Variants in ERBB4 observed in about 807,000 individuals in gnomAD.
The protein encoded by ERBB4 is receptor tyrosine-protein kinase erbB-4.
In ERBB4, 42 loss-of-function variants were observed where a neutral mutation model predicts 158.0. The ratio of observed to expected loss-of-function variants is 0.27; its 90% CI spans 0.21 to 0.34. The LOEUF (loss-of-function observed/expected upper bound fraction) is 0.34. Ranked by LOEUF, ERBB4 falls within the 10% of genes least tolerant of loss-of-function variation. ERBB4 has a pLI of 1.00. For synonymous variants in ERBB4, 583 were observed against 558.7 expected, an observed-to-expected ratio of 1.04 and a Z score of -0.61; for missense variants, 1,333 against 1,624.1, an observed-to-expected ratio of 0.82 and a Z score of 3.08.
At chr2:211,728,934 A>ATT (rs1280441001) in intron 5 of ERBB4, among the ~76,000 whole-genome samples, 3 of 151,834 alleles carry the variant, frequency 2.0e-5, no homozygotes, top group Admixed American at 6.6e-5. Context: ...GTAGTTTAAA[A>ATT]TTATGTATTA....
chr2:211,434,896 C>T (rs185703327), intron 20 of ERBB4, among the ~76,000 whole-genome samples: 154 of 152,268 alleles, frequency 1.0e-3, no homozygotes, highest in African/African-American at 3.5e-3. Context: ...TACAGATGCA[C>T]GCTTTCAAAT....
chr2:211,608,851 T>C (rs976218997), intron 19 of ERBB4, among the ~76,000 whole-genome samples: 2 of 152,192 alleles, frequency 1.3e-5, no homozygotes, highest in Non-Finnish European at 2.9e-5. Flanking sequence ...TTTACATTAA[T>C]ATATTCAGTT....
chr2:211,532,194 A>G (rs1414571967), intron 20 of ERBB4, among the ~76,000 whole-genome samples: 10 of 151,832 alleles, frequency 6.6e-5, no homozygotes, highest in Non-Finnish European at 1.2e-4. Context: ...AAAAAAATAG[A>G]TAGAATGAAT....
intron 3 of ERBB4, among the ~76,000 whole-genome samples, chr2:211,861,124 T>TTATATATAAATATATA (rs2078026465): frequency 4.9e-5 from 1 of 20,254 alleles, no homozygotes; most frequent in African/African-American, 2.3e-4. Context: ...TATATATATT[T>TTATATATAAATATATA]TATATATATA....
intron 20 of ERBB4, among the ~76,000 whole-genome samples, chr2:211,487,078 C>T (rs919574679): frequency 3.3e-5 from 5 of 151,322 alleles, no homozygotes; most frequent in Admixed American, 3.3e-4. Flanking sequence ...ACATGTGCCA[C>T]GTTGGTGTGC....
chr2:211,388,300 A>G (rs965018226), intron 25 of ERBB4, among the ~76,000 whole-genome samples: 14 of 152,204 alleles, frequency 9.2e-5, no homozygotes, highest in Non-Finnish European at 1.9e-4. Context: ...ACCCTAGAGG[A>G]AAGGAAAAGT....
At chr2:211,995,323 G>C (rs1357124) in intron 2 of ERBB4, among the ~76,000 whole-genome samples, 64,759 of 152,002 alleles carry the variant, frequency 0.43, 13,894 homozygotes, top group Admixed American at 0.49. Context: ...TTAGTTAGAG[G>C]AACTCTAATT....
intron 15 of ERBB4, among the ~76,000 whole-genome samples, chr2:211,663,994 A>G (rs1454601546): frequency 6.6e-6 from 1 of 152,036 alleles, no homozygotes; most frequent in Non-Finnish European, 1.5e-5. Flanking sequence ...TGTCTATGTG[A>G]CTATTTCAGT....
chr2:212,351,793 T>A (rs570011210), intron 1 of ERBB4, among the ~76,000 whole-genome samples: 4 of 152,312 alleles, frequency 2.6e-5, no homozygotes, highest in East Asian at 3.9e-4. Context: ...TGCTATGTAT[T>A]ATACTGAGAT....
chr2:211,555,265 A>T (rs1357533806), intron 20 of ERBB4, among the ~76,000 whole-genome samples: 5 of 151,864 alleles, frequency 3.3e-5, no homozygotes, highest in Non-Finnish European at 7.4e-5. Context: ...GGCTCACCGC[A>T]ACCTCTACCT....
intron 1 of ERBB4, among the ~76,000 whole-genome samples, chr2:212,184,582 G>C (rs1243598230): frequency 6.6e-6 from 1 of 151,982 alleles, no homozygotes; most frequent in Non-Finnish European, 1.5e-5. Flanking sequence ...GGAGCATCTA[G>C]TAAATACTCA....
At chr2:212,255,894 C>T (rs2084712508) in intron 1 of ERBB4, among the ~76,000 whole-genome samples, 1 of 152,062 alleles carries the variant, frequency 6.6e-6, no homozygotes, top group Admixed American at 6.6e-5. Flanking sequence ...GATCATAGTT[C>T]ACTGCAGCCT....
At chr2:211,864,049 C>CT (rs2078140202) in intron 3 of ERBB4, among the ~76,000 whole-genome samples, 1 of 152,194 alleles carries the variant, frequency 6.6e-6, no homozygotes, top group Non-Finnish European at 1.5e-5. Flanking sequence ...GCCAAGACCA[C>CT]TAGGCCTGCC....
intron 20 of ERBB4, among the ~76,000 whole-genome samples, chr2:211,556,026 A>G (rs2067228951): frequency 6.6e-6 from 1 of 152,234 alleles, no homozygotes; most frequent in Non-Finnish European, 1.5e-5. Flanking sequence ...ACAGAGTGGC[A>G]AGCTGGATAA....
chr2:211,588,931 G>T (rs1004065380), intron 19 of ERBB4, among the ~76,000 whole-genome samples: 10 of 151,894 alleles, frequency 6.6e-5, no homozygotes, highest in Admixed American at 3.3e-4. Flanking sequence ...GGTGGAAAAA[G>T]GTAATACCTG....
intron 3 of ERBB4, among the ~76,000 whole-genome samples, chr2:211,802,086 C>T (rs1213927307): frequency 6.6e-6 from 1 of 152,072 alleles, no homozygotes; most frequent in East Asian, 1.9e-4. Context: ...GGTGAAAACC[C>T]GTCTCTACTA....
chr2:212,514,648 T>C (rs908563616), intron 1 of ERBB4, among the ~76,000 whole-genome samples: 2 of 152,054 alleles, frequency 1.3e-5, no homozygotes, highest in Non-Finnish European at 2.9e-5. Flanking sequence ...CTACTAAAAA[T>C]ACAAAAATTA....
At chr2:211,420,053 T>C (rs2063482729) in intron 25 of ERBB4, among the ~76,000 whole-genome samples, 1 of 152,046 alleles carries the variant, frequency 6.6e-6, no homozygotes, top group Non-Finnish European at 1.5e-5. Context: ...ACTTCTTGAC[T>C]AATATATCAT....
At chr2:212,230,914 A>G (rs923963832) in intron 1 of ERBB4, among the ~76,000 whole-genome samples, 1 of 152,224 alleles carries the variant, frequency 6.6e-6, no homozygotes, top group Admixed American at 6.5e-5. Context: ...TAGATTATAC[A>G]TAAGTTGATA....
Sources: gnomAD v4.1 joint callset for allele counts (sites outside exome capture counted in the v4.1 genomes callset) on GRCh38, gnomAD v4.1.1 for gene constraint, MANE v1.5 for transcripts, NCBI Gene and HGNC (gene_info 2026-07-23, HGNC 2026-07-21) for gene names.